The following MYOM1 variants were observed in gnomAD, a reference collection of about 807,000 sequenced individuals.
The protein encoded by MYOM1 is myomesin 1, also known as myomesin-1.
In MYOM1, 164 loss-of-function variants were observed where a neutral mutation model predicts 205.3. The observed-to-expected ratio is 0.80, with a 90% confidence interval of 0.70 to 0.91. MYOM1 has a LOEUF of 0.91. Among genes scored for constraint, MYOM1 ranks in the 40% least tolerant of loss-of-function variants. The pLI is 0.00. For synonymous variants in MYOM1, 772 were observed against 789.4 expected (o/e 0.98, Z 0.37); for missense variants, 2,011 against 2,127.3 (o/e 0.95, Z 1.08).
chr18:3,110,744 T>G (rs1465406578), intron 22 of MYOM1, among the ~76,000 whole-genome samples: 2 of 149,716 alleles, frequency 1.3e-5, no homozygotes, highest in Admixed American at 1.3e-4. Context: ...TTTTTTCTTT[T>G]TTTTTTTTTT....
Position 3,129,171 on chromosome 18 carries a change from C to T in MYOM1, c.2794+61G>A, listed in dbSNP as rs73373163. 3.3e-3 allele frequency: 5,112 copies of T among 1,533,504 alleles called. 73 individuals carry two copies. The African/African-American group carries it at 0.034, about 10-fold the overall frequency. 95.0% of individuals were successfully genotyped at this position (1,533,504 alleles called of 1,614,324 possible). ...ACATGGATGAAGGATGTGATGTAGA[C>T]GATGAGAGGTGAGGACAGTGATGGA... is the stretch of plus-strand genomic sequence containing the variant. On this transcript the variant is annotated intron_variant, in intron 18 of 37. Coordinates refer to ENST00000356443, the MANE Select transcript of MYOM1 (RefSeq NM_003803.4).
chr18:3,176,137 A>T lies in MYOM1; in HGVS notation c.930-3T>A. ...TTATTGGCACCTGGTTTTTATACCT[A>T]TAACAGAATGGAAACAAAATGAAGT... On this transcript the variant is annotated splice_region_variant and splice_polypyrimidine_tract_variant and intron_variant, in intron 5 of 37. Coordinates refer to ENST00000356443, the MANE Select transcript of MYOM1 (RefSeq NM_003803.4). 6.4e-7 allele frequency: 1 copy of T among 1,570,690 alleles called. No homozygotes were observed. The highest frequency in any genetic ancestry group is 8.8e-7 in the Non-Finnish European group (1 of 1,141,326).
intron 25 of MYOM1, among the ~76,000 whole-genome samples, chr18:3,098,677 C>A (rs541163584): frequency 2.6e-5 from 4 of 152,172 alleles, no homozygotes; most frequent in Non-Finnish European, 4.4e-5. Flanking sequence ...GCTGCCCAGG[C>A]GCACAGCTTG....
intron 2 of MYOM1, among the ~76,000 whole-genome samples, chr18:3,202,063 A>G (rs993798904): frequency 6.6e-6 from 1 of 152,192 alleles, no homozygotes; most frequent in African/African-American, 2.4e-5. Context: ...GGGAGAAGGA[A>G]ATGAAGCTAT....
intron 2 of MYOM1, among the ~76,000 whole-genome samples, chr18:3,214,096 A>C: frequency 6.6e-6 from 1 of 152,248 alleles, no homozygotes. Context: ...TGTTTTTATC[A>C]AATGGTCGAG....
intron 21 of MYOM1, among the ~76,000 whole-genome samples, chr18:3,113,060 A>T (rs2079550290): frequency 6.6e-6 from 1 of 150,644 alleles, no homozygotes; most frequent in South Asian, 2.1e-4. Flanking sequence ...CAAGTTTTTA[A>T]TGATCAAGAT....
intron 33 of MYOM1, 54 bp downstream of exon 33, chr18:3,083,735 C>T (rs1054540237): frequency 3.9e-5 from 55 of 1,415,728 alleles, no homozygotes; most frequent in African/African-American, 7.1e-5. Context: ...TGTGAGCTGC[C>T]GCGCCTGGCA....
chr18:3,155,808 G>C (rs1598729924), intron 10 of MYOM1, among the ~76,000 whole-genome samples: 1 of 152,134 alleles, frequency 6.6e-6, no homozygotes, highest in African/African-American at 2.4e-5. Flanking sequence ...CCTTCTGGAG[G>C]CATCCACAAG....
At chr18:3,208,165 A>C (rs1234260548) in intron 2 of MYOM1, among the ~76,000 whole-genome samples, 1 of 152,202 alleles carries the variant, frequency 6.6e-6, no homozygotes, top group Non-Finnish European at 1.5e-5. Flanking sequence ...AGGCTGATAC[A>C]TAGAAAGGAC....
Position 3,129,386 on chromosome 18 carries a change from G to T in MYOM1, c.2640C>A (p.Asn880Lys). ...GAGAGCTACTGGGTAGTGAAGGTTTGTTAGGTTTGCTGCCAAGCAAAGCAT... is the reference window on the plus strand; with the variant it reads ...GAGAGCTACTGGGTAGTGAAGGTTTTTTAGGTTTGCTGCCAAGCAAAGCAT... ...QKDALLGSKP[N>K]KPSLPSSSQN... The change falls in exon 18 of 38, where the codon AAC (asparagine) becomes AAA (lysine). Residue 880 changes from asparagine (N) to lysine (K), a missense_variant. Coordinates refer to ENST00000356443, the MANE Select transcript of MYOM1 (RefSeq NM_003803.4). 1 of 1,613,994 alleles carries T rather than the reference G, an allele frequency of 6.2e-7. No individual in the cohort carries two copies. Among genetic ancestry groups the T allele is most frequent in the Non-Finnish European group, 8.5e-7 (1 of 1,179,874 alleles).
At chr18:3,129,193 T>G (rs1230968620) in intron 18 of MYOM1, 39 bp downstream of exon 18, 1 of 1,590,746 alleles carries the variant, frequency 6.3e-7, no homozygotes, top group Non-Finnish European at 8.6e-7. Context: ...AGGACAGTGA[T>G]GGAGACGGAT....
At position 3,100,412 on chromosome 18, in the gene MYOM1, A is replaced by C; in HGVS notation, c.3590T>G (p.Phe1197Cys). The stretch of plus-strand genomic sequence containing the variant: ...CAAGTCATCCATCCCAAGGTCTTTG[A>C]AGGTCATTTTCGTCCTTCGGAACAA... ...ESKGNKTKMT[F>C]KDLGMDDLGI... The change falls in exon 24 of 38, where the codon TTC becomes TGC. Residue 1197 changes from phenylalanine (F) to cysteine (C), a missense_variant. Physicochemically the swap from Phe to Cys is radical, Grantham distance 205. Coordinates refer to ENST00000356443, the MANE Select transcript of MYOM1 (RefSeq NM_003803.4). 6.2e-7 allele frequency: 1 copy of C among 1,613,760 alleles called. No homozygotes were observed. Among genetic ancestry groups the C allele is most frequent in the Non-Finnish European group, 8.5e-7 (1 of 1,179,756 alleles).
intron 29 of MYOM1, among the ~76,000 whole-genome samples, chr18:3,088,465 T>C (rs937446782): frequency 6.6e-6 from 1 of 152,198 alleles, no homozygotes; most frequent in East Asian, 1.9e-4. Flanking sequence ...TAGTAGACAC[T>C]GGGGCACTTG....
At chr18:3,163,508 A>G (rs1474631196) in intron 10 of MYOM1, among the ~76,000 whole-genome samples, 1 of 152,040 alleles carries the variant, frequency 6.6e-6, no homozygotes, top group African/African-American at 2.4e-5. Context: ...GCTGGAGTGC[A>G]GTGGCATAAT....
chr18:3,183,288 G>A (rs1025943843), intron 5 of MYOM1, among the ~76,000 whole-genome samples: 4 of 152,224 alleles, frequency 2.6e-5, no homozygotes, highest in African/African-American at 4.8e-5. Context: ...CTGTCAGAGC[G>A]AGTTGGGAAT....
chr18:3,069,434 T>C (rs1242377457), intron 37 of MYOM1, among the ~76,000 whole-genome samples: 6 of 152,218 alleles, frequency 3.9e-5, no homozygotes, highest in Non-Finnish European at 2.9e-5. Context: ...CATAGCTTTC[T>C]AAAGGGTCTT....
intron 25 of MYOM1, among the ~76,000 whole-genome samples, chr18:3,095,126 C>T (rs897500529): frequency 1.3e-5 from 2 of 152,146 alleles, no homozygotes; most frequent in Non-Finnish European, 2.9e-5. Flanking sequence ...CATTCCAATG[C>T]AGGACTGAGA....
chr18:3,090,015 A>C (rs2079201255), intron 27 of MYOM1, among the ~76,000 whole-genome samples: 1 of 150,976 alleles, frequency 6.6e-6, no homozygotes, highest in Non-Finnish European at 1.5e-5. Flanking sequence ...AAACAGTCTC[A>C]TGGTTTGTTT....
In MYOM1 at chr18:3,219,912, G is replaced by A. The variant is rs2144277907; in HGVS notation, c.-138C>T. 6.6e-6 allele frequency: 1 copy of A among 152,352 alleles called. No homozygotes were observed. 9.4% of individuals were successfully genotyped at this position (152,352 alleles called of 1,614,324 possible). ...AATCCAAGACAATGTTAAGAGGCAGGGCTAAAGACAGGACCCTGGGGGCCA... is the reference window on the plus strand; with the variant it reads ...AATCCAAGACAATGTTAAGAGGCAGAGCTAAAGACAGGACCCTGGGGGCCA... On this transcript the variant is annotated 5_prime_UTR_variant, in exon 1 of 38. Coordinates refer to ENST00000356443, the MANE Select transcript of MYOM1 (RefSeq NM_003803.4). The surrounding 1 kb of genome is among the most constrained non-coding windows in gnomAD (Gnocchi z 4.4).
Sources: allele counts gnomAD v4.1 joint callset (sites outside exome capture counted in the v4.1 genomes callset), GRCh38; gene constraint gnomAD v4.1.1; non-coding constraint Gnocchi (gnomAD v3.1); transcripts MANE v1.5; gene names NCBI Gene and HGNC (gene_info 2026-07-23, HGNC 2026-07-21).